The following RCL1 variants were observed in gnomAD, a reference collection of about 807,000 sequenced individuals.
The protein encoded by RCL1 is RNA terminal phosphate cyclase like 1, also known as RNA 3'-terminal phosphate cyclase-like protein.
Under a neutral mutation model 42.4 loss-of-function variants are expected in RCL1, and 24 were observed. The observed-to-expected ratio is 0.57, with a 90% CI of 0.41 to 0.80. The LOEUF (loss-of-function observed/expected upper bound fraction) is 0.80. Ranked by LOEUF, RCL1 falls within the 30% of genes least tolerant of loss-of-function variation. The pLI is 0.00. For missense variants in RCL1, 578 were observed against 467.9 expected (o/e 1.24, Z -2.17); for synonymous variants, 228 against 177.3 (o/e 1.29, Z -2.27).
rs1817960773 is a variant in RCL1, at chr9:4,856,308, C to G, written c.972-3817C>G. On this transcript the variant is annotated intron_variant, in intron 8 of 8. Transcript: ENST00000381750. The stretch of plus-strand genomic sequence containing the variant: ...CAGGAAAGCCAGCAGGGAAAGCTGA[C>G]TTCCCTTAATTGCCAAGAATGTTGA... 2.0e-5 allele frequency among the ~76,000 whole-genome samples: 3 copies of G among 152,224 alleles called. No individual in the cohort carries two copies. The South Asian group carries it at 6.2e-4, about 31-fold the overall frequency.
intron 7 of RCL1, among the ~76,000 whole-genome samples, 153 bp from the exon 8 acceptor site, chr9:4,849,294 A>G (rs1352889562): frequency 6.6e-6 from 1 of 152,080 alleles, no homozygotes; most frequent in Non-Finnish European, 1.5e-5. Flanking sequence ...AGTTGATACA[A>G]TGATTACTCT....
At position 4,813,954 on chromosome 9, in the gene RCL1, T is replaced by C. The variant is rs563296285; in HGVS notation, c.137-9594T>C. On this transcript the variant is annotated intron_variant, in intron 1 of 8. Transcript: ENST00000381750. ...GTCGCAAGGACAGAAAACCAAACAC[T>C]GCATGTTCTCACTCATAGGTGGGAA... is the stretch of plus-strand genomic sequence containing the variant. 5.9e-5 allele frequency among the ~76,000 whole-genome samples: 9 copies of C among 152,138 alleles called. No individual in the cohort carries two copies. In the South Asian group the frequency reaches 6.2e-4, roughly 11 times the overall value.
intron 1 of RCL1, chr9:4,803,762 C>T (rs547260311): frequency 7.0e-4 from 115 of 164,090 alleles, no homozygotes; most frequent in Non-Finnish European, 9.2e-4. Context: ...CTTCTGGCGG[C>T]GTGGGTCATA....
intron 6 of RCL1, among the ~76,000 whole-genome samples, chr9:4,843,711 G>T (rs956602401): frequency 6.6e-6 from 1 of 152,170 alleles, no homozygotes; most frequent in African/African-American, 2.4e-5. Flanking sequence ...CAGGTAAATG[G>T]GTAAAGCAGC....
At chr9:4,851,590 G>C (rs565469433) in intron 8 of RCL1, among the ~76,000 whole-genome samples, 1 of 152,322 alleles carries the variant, frequency 6.6e-6, no homozygotes, top group Admixed American at 6.5e-5. Flanking sequence ...GGACCATCAT[G>C]GTGGGGGAAT....
chr9:4,800,222 T>A (rs543650997), intron 1 of RCL1, among the ~76,000 whole-genome samples: 3 of 151,978 alleles, frequency 2.0e-5, no homozygotes, highest in African/African-American at 7.2e-5. Context: ...TTTTTTTTTT[T>A]ATTTTTATTT....
rs948877981 is a variant in RCL1, at chr9:4,796,571, A to T, written c.136+3344A>T. On this transcript the variant is annotated intron_variant, in intron 1 of 8. Transcript: ENST00000381750. ...CCACAGCATCTAGTTGATTTTTAAA[A>T]TTTTTTTTGTAGAGATGGGGTGTTG... 9.2e-5 allele frequency among the ~76,000 whole-genome samples: 14 copies of T among 151,956 alleles called. No homozygotes were observed. In the South Asian group the frequency reaches 2.3e-3, roughly 25 times the overall value.
intron 1 of RCL1, among the ~76,000 whole-genome samples, chr9:4,815,085 C>G (rs575030573): frequency 6.6e-6 from 1 of 152,202 alleles, no homozygotes; most frequent in African/African-American, 2.4e-5. Context: ...TATTAATATG[C>G]CTTGGGAAGA....
At chr9:4,820,251 T>C (rs1816545261) in intron 1 of RCL1, among the ~76,000 whole-genome samples, 1 of 152,168 alleles carries the variant, frequency 6.6e-6, no homozygotes, top group African/African-American at 2.4e-5. Flanking sequence ...GGGAGGTGAA[T>C]GGGCAAGGAA....
chr9:4,830,368 T>C (rs533835397), intron 3 of RCL1, among the ~76,000 whole-genome samples: 155 of 152,174 alleles, frequency 1.0e-3, no homozygotes, highest in African/African-American at 3.4e-3. Flanking sequence ...AAGAAAATAA[T>C]TAAAAGAGCT....
chr9:4,827,069 T>A, intron 3 of RCL1, 36 bp downstream of exon 3: 1 of 1,613,742 alleles, frequency 6.2e-7, no homozygotes, highest in South Asian at 1.1e-5. Flanking sequence ...GTGGTTTTTG[T>A]TTTGTCTCTT....
At chr9:4,820,376 C>T (rs1230631711) in intron 1 of RCL1, among the ~76,000 whole-genome samples, 3 of 152,174 alleles carry the variant, frequency 2.0e-5, no homozygotes, top group African/African-American at 7.2e-5. Context: ...GTTGCCAGGG[C>T]TCCGGAACTA....
intron 5 of RCL1, among the ~76,000 whole-genome samples, chr9:4,837,885 C>T (rs1234032918): frequency 6.6e-6 from 1 of 152,180 alleles, no homozygotes; most frequent in African/African-American, 2.4e-5. Flanking sequence ...CAATATATCT[C>T]TGACTGGTTG....
chr9:4,802,074 AT>A (rs34756856), intron 1 of RCL1, among the ~76,000 whole-genome samples: 46,832 of 95,278 alleles, frequency 0.49, 8,305 homozygotes, highest in Non-Finnish European at 0.55. Flanking sequence ...ACGCCTGGCT[AT>A]TTTTTTTTTT....
At chr9:4,803,509 C>G (rs990444066) in intron 1 of RCL1, among the ~76,000 whole-genome samples, 12 of 152,070 alleles carry the variant, frequency 7.9e-5, no homozygotes, top group African/African-American at 2.7e-4. Flanking sequence ...CAGTCACCTG[C>G]TTGGTGTTTT....
intron 7 of RCL1, among the ~76,000 whole-genome samples, chr9:4,848,628 C>G (rs1002233884): frequency 2.6e-5 from 4 of 152,128 alleles, no homozygotes; most frequent in African/African-American, 9.7e-5. Flanking sequence ...TAAAGTTATT[C>G]CAGAAAGAAT....
chr9:4,852,267 T>C (rs1817780291), intron 8 of RCL1, among the ~76,000 whole-genome samples: 1 of 152,218 alleles, frequency 6.6e-6, no homozygotes, highest in Admixed American at 6.5e-5. Context: ...ATGAAGATTC[T>C]ATTTCTGTTA....
chr9:4,860,024 C>T (rs991154406), intron 8 of RCL1, 101 bp from the exon 9 acceptor site: 1 of 768,696 alleles, frequency 1.3e-6, no homozygotes, highest in African/African-American at 1.8e-5. Flanking sequence ...CTTCAGCCCT[C>T]TAGGTCTGGG....
chr9:4,812,032 T>G (rs1816197261), intron 1 of RCL1, among the ~76,000 whole-genome samples: 2 of 152,254 alleles, frequency 1.3e-5, no homozygotes, highest in African/African-American at 2.4e-5. Flanking sequence ...TGCTGACTTT[T>G]AAAATTGGAT....
Sources: gnomAD v4.1 joint callset for allele counts (sites outside exome capture counted in the v4.1 genomes callset) on GRCh38, gnomAD v4.1.1 for gene constraint, MANE v1.5 for transcripts, NCBI Gene and HGNC (gene_info 2026-07-23, HGNC 2026-07-21) for gene names.